The following AVEN variants were observed in gnomAD, a reference collection of about 807,000 sequenced individuals.
AVEN encodes apoptosis and caspase activation inhibitor.
AVEN carries 41 observed loss-of-function variants against 38.1 expected under a neutral mutation model. The observed-to-expected ratio is 1.08, with a 90% confidence interval of 0.84 to 1.40. The LOEUF is 1.40. Among genes scored for constraint, AVEN ranks in the 40% most tolerant of loss-of-function variants. The pLI is 0.00. For synonymous variants in AVEN, 206 were observed against 171.8 expected (o/e 1.20, Z -1.56); for missense variants, 605 against 438.8 (o/e 1.38, Z -3.38).
At chr15:33,994,382 G>A (rs1188951415) in intron 2 of AVEN, among the ~76,000 whole-genome samples, 2 of 152,234 alleles carry the variant, frequency 1.3e-5, no homozygotes, top group African/African-American at 4.8e-5. Flanking sequence ...AACAAGCTTA[G>A]GACTCCCATT....
chr15:33,883,033 G>A (rs1891555353), intron 2 of AVEN, among the ~76,000 whole-genome samples: 1 of 152,152 alleles, frequency 6.6e-6, no homozygotes, highest in Non-Finnish European at 1.5e-5. Context: ...TTAAACTCAT[G>A]ACCATAAAAC....
intron 2 of AVEN, among the ~76,000 whole-genome samples, chr15:33,971,472 A>T (rs1007662804): frequency 1.4e-4 from 21 of 152,058 alleles, no homozygotes; most frequent in Non-Finnish European, 2.8e-4. Flanking sequence ...GATAAAATAA[A>T]AATGGCATCT....
intron 2 of AVEN, among the ~76,000 whole-genome samples, chr15:33,951,013 A>G (rs1053509274): frequency 6.6e-6 from 1 of 151,626 alleles, no homozygotes; most frequent in Non-Finnish European, 1.5e-5. Context: ...GTCAAGAAAG[A>G]AAAGAAAGAG....
intron 2 of AVEN, among the ~76,000 whole-genome samples, chr15:33,877,553 G>A (rs550383070): frequency 6.6e-6 from 1 of 152,324 alleles, no homozygotes; most frequent in East Asian, 1.9e-4. Context: ...GGTGGCTCAC[G>A]CCTACAATCC....
At chr15:33,892,174 G>T (rs192623804) in intron 2 of AVEN, among the ~76,000 whole-genome samples, 2,080 of 152,238 alleles carry the variant, frequency 0.014, 174 homozygotes, top group Admixed American at 0.13. Flanking sequence ...GATTCTGTAG[G>T]TTGCCTGTTC....
At chr15:33,874,318 C>T (rs1193948176) in intron 3 of AVEN, among the ~76,000 whole-genome samples, 1 of 152,108 alleles carries the variant, frequency 6.6e-6, no homozygotes, top group African/African-American at 2.4e-5. Context: ...ACACTCAGGT[C>T]TGAAACTGCT....
rs899255977 is a variant in AVEN at position 34,007,060 on chromosome 15, A to T, written c.268-3851T>A. The T allele has an allele frequency of 3.0e-6, 3 of 984,488 alleles. No homozygotes were observed. In the African/African-American group the frequency reaches 5.2e-5, roughly 17 times the overall value. 61.0% of individuals were successfully genotyped at this position (984,488 alleles called of 1,614,324 possible). On this transcript the variant is annotated intron_variant, in intron 1 of 5. Coordinates refer to ENST00000306730, the MANE Select transcript of AVEN (RefSeq NM_020371.3). Reference sequence around the variant, plus strand: ...AATAGTTCATACCTGGACATCGGTCACTGGTTGCATTGTTCAGAGATTAAC... The same window carrying T: ...AATAGTTCATACCTGGACATCGGTCTCTGGTTGCATTGTTCAGAGATTAAC...
chr15:33,919,664 AG>A (rs750121791), intron 2 of AVEN, among the ~76,000 whole-genome samples: 1 of 152,220 alleles, frequency 6.6e-6, no homozygotes, highest in African/African-American at 2.4e-5. Flanking sequence ...AAGAGCACAG[AG>A]GGAAAAGAAG....
intron 2 of AVEN, among the ~76,000 whole-genome samples, chr15:34,068,872 C>T (rs907364064): frequency 1.1e-4 from 15 of 142,236 alleles, no homozygotes; most frequent in Non-Finnish European, 1.6e-4. Flanking sequence ...AGTGCAGTGG[C>T]GCAATCTCGG....
At chr15:33,954,125 T>G (rs552277000) in intron 2 of AVEN, among the ~76,000 whole-genome samples, 1 of 152,304 alleles carries the variant, frequency 6.6e-6, no homozygotes, top group South Asian at 2.1e-4. Flanking sequence ...CCAGTTAGAA[T>G]GGCGATCATT....
In AVEN at chr15:33,875,974, C is replaced by T. The variant is rs372785565; in HGVS notation, c.467G>A (p.Arg156Gln). Residue 156 changes from arginine to glutamine, a missense_variant, in exon 3 of 6, where the codon CGG becomes CAG. Physicochemically the swap from Arg to Gln is conservative, Grantham distance 43. Coordinates refer to ENST00000306730, the MANE Select transcript of AVEN (RefSeq NM_020371.3). ...ATCCCATTCTTTCTCCTCAGCAAAC[C>T]GGAACTGTGAGAATGAGTCCCCTAG... is the stretch of plus-strand genomic sequence containing the variant. The part of the protein sequence containing the change: ...SSAGDSFSQF[R>Q]FAEEKEWDSE... The T allele has an allele frequency of 7.4e-5, 120 of 1,612,876 alleles. 2 individuals carry two copies. The East Asian group carries it at 8.7e-4, about 12-fold the overall frequency.
chr15:34,012,613 T>TA (rs1252400288), intron 1 of AVEN, among the ~76,000 whole-genome samples: 1 of 152,334 alleles, frequency 6.6e-6, no homozygotes, highest in East Asian at 1.9e-4. Flanking sequence ...TCTACCAGCG[T>TA]AAGTCTGGTT....
At chr15:34,062,823 G>C (rs1229190809) in intron 5 of AVEN, 1 of 1,614,244 alleles carries the variant, frequency 6.2e-7, no homozygotes, top group Admixed American at 1.7e-5. Context: ...CATTGCAGCT[G>C]TGACTGCTGT....
At position 34,002,996 on chromosome 15, in the gene AVEN, A is replaced by G. The variant is rs74577185; in HGVS notation, c.445+36T>C. 905 of 1,513,932 alleles carry G rather than the reference A, an allele frequency of 6.0e-4. 6 individuals are homozygous for G. The African/African-American group carries it at 8.7e-3, about 15-fold the overall frequency. 93.8% of individuals were successfully genotyped at this position (1,513,932 alleles called of 1,614,324 possible). A position where few individuals can be genotyped will look rare whatever the true frequency, so the allele number is the denominator to read the frequency against. ...TATAAAATGTCTGTGCAACTTTCAGAGCACTAAACAGTATGCATGCAACTG... is the reference window on the plus strand; with the variant it reads ...TATAAAATGTCTGTGCAACTTTCAGGGCACTAAACAGTATGCATGCAACTG... On this transcript the variant is annotated intron_variant, in intron 2 of 5. Coordinates refer to ENST00000306730, the MANE Select transcript of AVEN (RefSeq NM_020371.3).
intron 5 of AVEN, among the ~76,000 whole-genome samples, chr15:34,053,319 A>AAAAAATATATATATAT (rs775436850): frequency 1.9e-4 from 8 of 42,070 alleles, no homozygotes; most frequent in African/African-American, 6.4e-4. Flanking sequence ...AAAAAAAAAA[A>AAAAAATATATATATAT]ATATATATAT....
intron 2 of AVEN, among the ~76,000 whole-genome samples, chr15:33,948,765 T>C (rs900076705): frequency 6.6e-6 from 1 of 151,962 alleles, no homozygotes; most frequent in African/African-American, 2.4e-5. Context: ...CTCTACCTCC[T>C]GGGTTCAAGT....
intron 2 of AVEN, among the ~76,000 whole-genome samples, chr15:33,947,695 T>C (rs1344494533): frequency 1.3e-5 from 2 of 152,254 alleles, no homozygotes; most frequent in African/African-American, 4.8e-5. Context: ...TTTTTTTATA[T>C]TATTTTTATC....
chr15:33,871,337 C>G (rs1331953524), intron 3 of AVEN, among the ~76,000 whole-genome samples: 1 of 152,064 alleles, frequency 6.6e-6, no homozygotes, highest in Admixed American at 6.5e-5. Context: ...GAGGCCGAGG[C>G]GGGTGAATCA....
intron 2 of AVEN, among the ~76,000 whole-genome samples, chr15:33,881,196 T>TC (rs1451454814): frequency 6.6e-6 from 1 of 151,676 alleles, no homozygotes. Context: ...TCAAGTGATC[T>TC]CCCCCATCTC....
Sources: gnomAD v4.1 joint callset for allele counts (sites outside exome capture counted in the v4.1 genomes callset) on GRCh38, gnomAD v4.1.1 for gene constraint, MANE v1.5 for transcripts, NCBI Gene and HGNC (gene_info 2026-07-23, HGNC 2026-07-21) for gene names.